The following DNAI4 variants were observed in gnomAD, a reference collection of about 807,000 sequenced individuals.
DNAI4 encodes WD repeat domain 78.
DNAI4 carries 85 observed loss-of-function variants against 105.8 expected under a neutral mutation model. The ratio of observed to expected loss-of-function variants is 0.80; its 90% CI spans 0.67 to 0.96. The LOEUF is 0.96. Ranked by LOEUF, DNAI4 falls within the 40% of genes least tolerant of loss-of-function variation. The probability of loss-of-function intolerance (pLI) is 0.00; values close to 1 mark genes in which losing one functional copy is unlikely to be tolerated. For synonymous variants in DNAI4, 352 were observed against 331.5 expected (o/e 1.06, Z -0.67); for missense variants, 1,014 against 1,005.6 (o/e 1.01, Z -0.11).
intron 4 of DNAI4, among the ~76,000 whole-genome samples, chr1:66,877,460 T>C (rs2100691983): frequency 1.3e-5 from 2 of 150,126 alleles, no homozygotes; most frequent in Non-Finnish European, 2.9e-5. Context: ...CCTCTAGACT[T>C]TTTTTCAACA....
At chr1:66,852,627 A>G (rs1009102825) in intron 7 of DNAI4, among the ~76,000 whole-genome samples, 11 of 152,176 alleles carry the variant, frequency 7.2e-5, no homozygotes, top group Non-Finnish European at 2.9e-5. Context: ...ACATGATCAT[A>G]TCAATCAATG....
At position 66,889,621 on chromosome 1, in the gene DNAI4, AT is replaced by A. The variant is rs1647426156; in HGVS notation, c.643+1532del. On this transcript the variant is annotated intron_variant, in intron 4 of 16. Coordinates refer to ENST00000371026, the MANE Select transcript of DNAI4 (RefSeq NM_024763.5). The stretch of plus-strand genomic sequence containing the variant: ...CAGAAAGAAAAGTCCATAAAGCACC[AT>A]TTTTCCAACCTTATATCTTCACCAG... Among the ~76,000 whole-genome samples, 4 of 152,030 alleles carry A rather than the reference AT, an allele frequency of 2.6e-5. 1 individual carries two copies. The highest frequency in any genetic ancestry group is 2.0e-4 in the Admixed American group (3 of 15,252).
chr1:66,905,478 T>A, intron 1 of DNAI4, 103 bp from the exon 2 acceptor site: 1 of 661,678 alleles, frequency 1.5e-6, no homozygotes, highest in Non-Finnish European at 2.2e-6. Flanking sequence ...GTGAACAATC[T>A]AAACATATAA....
chr1:66,839,765 T>C (rs1323590499), intron 9 of DNAI4, among the ~76,000 whole-genome samples: 1 of 152,218 alleles, frequency 6.6e-6, no homozygotes, highest in African/African-American at 2.4e-5. Context: ...CAAGATGACT[T>C]TTGTCAGTGC....
chr1:66,847,562 A>G lies in DNAI4; in HGVS notation c.1213T>C (p.Phe405Leu), dbSNP rs1421585122. The change falls in exon 8 of 17, where the codon TTT (phenylalanine) becomes CTT (leucine). Residue 405 changes from phenylalanine to leucine, a missense_variant. Phe to Leu is a conservative substitution (Grantham distance 22). Coordinates refer to ENST00000371026, the MANE Select transcript of DNAI4 (RefSeq NM_024763.5). ...TCCATCAGAACCCGTTCCATAAAAA[A>G]TAAGTCCTGATGAAATTTGTCAGAT... ...LKSDKFHQDL[F>L]FMERVLMENI... The G allele has an allele frequency of 6.2e-7, 1 of 1,614,078 alleles. No homozygotes were observed. The highest frequency in any genetic ancestry group is 1.7e-5 in the Admixed American group (1 of 60,014).
intron 8 of DNAI4, among the ~76,000 whole-genome samples, chr1:66,843,855 T>G (rs1329036792): frequency 6.6e-6 from 1 of 152,148 alleles, no homozygotes; most frequent in African/African-American, 2.4e-5. Flanking sequence ...TGTTCTATTC[T>G]ATATATTTGT....
intron 16 of DNAI4, among the ~76,000 whole-genome samples, chr1:66,814,801 G>C (rs1194980823): frequency 2.6e-5 from 4 of 152,132 alleles, no homozygotes; most frequent in African/African-American, 9.7e-5. Flanking sequence ...TAAACTTACT[G>C]ATATCTTAAA....
intron 4 of DNAI4, among the ~76,000 whole-genome samples, chr1:66,876,488 C>A (rs1255468740): frequency 1.3e-5 from 2 of 152,056 alleles, no homozygotes; most frequent in African/African-American, 4.8e-5. Flanking sequence ...TCAGTTATTA[C>A]GGTTGGGAAA....
intron 2 of DNAI4, 115 bp from the exon 3 acceptor site, chr1:66,893,528 T>C (rs976777547): frequency 4.8e-6 from 3 of 619,708 alleles, no homozygotes; most frequent in Non-Finnish European, 7.3e-6. Context: ...AATGCTCCTA[T>C]AATAGGATAA....
chr1:66,839,525 A>G (rs1646102593), intron 9 of DNAI4, among the ~76,000 whole-genome samples: 1 of 152,176 alleles, frequency 6.6e-6, no homozygotes, highest in Admixed American at 6.5e-5. Flanking sequence ...TCTTAAACAT[A>G]CAAAATATAA....
At position 66,840,588 on chromosome 1, in the gene DNAI4, CT is replaced by C; in HGVS notation, c.1374del (p.Glu459LysfsTer24). 1 of 1,614,158 alleles carries C rather than the reference CT, an allele frequency of 6.2e-7. No homozygotes were observed. The highest frequency in any genetic ancestry group is 8.5e-7 in the Non-Finnish European group (1 of 1,180,014). ...EVEEESKKEE[E>X]EEIHAEESTI... ...GTTGATTCTTCTGCATGTATTTCTTCTTCCTCCTCCTTCTTAGATTCTTCCT... is the reference window on the plus strand; with the variant it reads ...GTTGATTCTTCTGCATGTATTTCTTCTCCTCCTCCTTCTTAGATTCTTCCT... On this transcript the variant is annotated frameshift_variant, in exon 9 of 17. Coordinates refer to ENST00000371026, the MANE Select transcript of DNAI4 (RefSeq NM_024763.5). LOFTEE classifies it high-confidence loss of function.
chr1:66,834,421 A>C (rs1237965110), intron 11 of DNAI4, among the ~76,000 whole-genome samples: 3 of 152,108 alleles, frequency 2.0e-5, no homozygotes, highest in African/African-American at 7.2e-5. Flanking sequence ...GGAATACAAA[A>C]GCAAAAATGT....
intron 8 of DNAI4, 45 bp downstream of exon 8, chr1:66,847,439 T>C (rs148490193): frequency 0.013 from 21,066 of 1,562,080 alleles, 170 homozygotes; most frequent in Non-Finnish European, 0.016. Flanking sequence ...ATTATAAGCA[T>C]AAGCAACTGC....
At chr1:66,912,383 C>T (rs536671964) in intron 1 of DNAI4, among the ~76,000 whole-genome samples, 2 of 151,776 alleles carry the variant, frequency 1.3e-5, no homozygotes, top group Non-Finnish European at 2.9e-5. Context: ...GCAGGAGAAT[C>T]GCTTGAATCT....
chr1:66,818,518 G>C (rs1258080814), intron 16 of DNAI4, among the ~76,000 whole-genome samples: 1 of 152,134 alleles, frequency 6.6e-6, no homozygotes, highest in Non-Finnish European at 1.5e-5. Flanking sequence ...AAGATGAACT[G>C]TTCGTTTTTT....
chr1:66,910,897 A>G (rs1488979324), intron 1 of DNAI4, among the ~76,000 whole-genome samples: 1 of 152,222 alleles, frequency 6.6e-6, no homozygotes, highest in Admixed American at 6.5e-5. Context: ...TCAAACCACA[A>G]CAATCAATAC....
At chr1:66,829,884 G>T (rs1645830939) in intron 13 of DNAI4, among the ~76,000 whole-genome samples, 1 of 152,142 alleles carries the variant, frequency 6.6e-6, no homozygotes, top group African/African-American at 2.4e-5. Flanking sequence ...ATTATGGTGG[G>T]ATTGAATTAG....
intron 1 of DNAI4, among the ~76,000 whole-genome samples, chr1:66,918,792 G>T (rs574063523): frequency 3.0e-4 from 45 of 152,198 alleles, no homozygotes; most frequent in Admixed American, 2.2e-3. Context: ...TTCTCCAAAA[G>T]ATTTTTTTAA....
chr1:66,836,319 AGAAAGAAGGAAAGAGG>A (rs1557909228), intron 10 of DNAI4, among the ~76,000 whole-genome samples: 12 of 118,492 alleles, frequency 1.0e-4, no homozygotes, highest in African/African-American at 3.9e-4. Context: ...AAAGAAAGAA[AGAAAGAAGGAAAGAGG>A]GAAGGAAGGG....
Sources: allele counts gnomAD v4.1 joint callset (sites outside exome capture counted in the v4.1 genomes callset), GRCh38; gene constraint gnomAD v4.1.1; transcripts MANE v1.5; gene names NCBI Gene and HGNC (gene_info 2026-07-23, HGNC 2026-07-21).